CDH10: variants seen among roughly 807,000 people sequenced by gnomAD.
The protein encoded by CDH10 is cadherin 10.
Under a neutral mutation model 73.1 loss-of-function variants are expected in CDH10, and 30 were observed. The ratio of observed to expected loss-of-function variants is 0.41; its 90% confidence interval spans 0.31 to 0.56. The LOEUF is 0.56. Ranked by LOEUF, CDH10 falls within the 20% of genes least tolerant of loss-of-function variation. The pLI, the probability that CDH10 is intolerant of heterozygous loss-of-function variation, is 0.27. For missense variants in CDH10, 815 were observed against 973.7 expected (o/e 0.84, Z 2.17); for synonymous variants, 345 against 348.2 (o/e 0.99, Z 0.10).
At chr5:24,641,670 A>G (rs1748054772) in intron 1 of CDH10, among the ~76,000 whole-genome samples, 2 of 152,088 alleles carry the variant, frequency 1.3e-5, no homozygotes, top group African/African-American at 4.8e-5. Context: ...CATAATATGA[A>G]CCATATATTG....
At chr5:24,517,196 T>C (rs1052922276) in intron 5 of CDH10, among the ~76,000 whole-genome samples, 1 of 152,136 alleles carries the variant, frequency 6.6e-6, no homozygotes, top group Non-Finnish European at 1.5e-5. Context: ...TTTGAACTGA[T>C]TATGCATGCT....
chr5:24,507,691 C>A (rs921507571), intron 7 of CDH10, among the ~76,000 whole-genome samples: 1 of 151,480 alleles, frequency 6.6e-6, no homozygotes, highest in Non-Finnish European at 1.5e-5. Flanking sequence ...GAATCTCTAC[C>A]AAGAAAATGC....
intron 1 of CDH10, among the ~76,000 whole-genome samples, chr5:24,629,855 G>A (rs907147808): frequency 2.0e-5 from 3 of 152,102 alleles, no homozygotes; most frequent in Admixed American, 6.6e-5. Context: ...CCAGTCATGG[G>A]CAGTTCTTTA....
intron 7 of CDH10, 114 bp from the exon 8 acceptor site, chr5:24,505,362 G>T: frequency 2.5e-6 from 2 of 811,354 alleles, no homozygotes; most frequent in Non-Finnish European, 4.1e-6. Context: ...AGAACACAGT[G>T]CTGATCTGGA....
intron 1 of CDH10, among the ~76,000 whole-genome samples, chr5:24,632,616 C>T (rs1335706236): frequency 6.6e-6 from 1 of 151,934 alleles, no homozygotes; most frequent in Non-Finnish European, 1.5e-5. Context: ...TATTAAAGGG[C>T]AGTATGGCAG....
chr5:24,643,148 T>G (rs1215274400), intron 1 of CDH10, among the ~76,000 whole-genome samples: 2 of 152,158 alleles, frequency 1.3e-5, no homozygotes, highest in Non-Finnish European at 2.9e-5. Flanking sequence ...CATTGCACAT[T>G]GAATACATAT....
chr5:24,619,166 T>C (rs989608719), intron 1 of CDH10, among the ~76,000 whole-genome samples: 14 of 151,858 alleles, frequency 9.2e-5, no homozygotes, highest in African/African-American at 3.4e-4. Flanking sequence ...GAATGGTACC[T>C]CTAGTCTCAT....
At chr5:24,580,509 T>TG (rs1390525564) in intron 2 of CDH10, among the ~76,000 whole-genome samples, 1 of 152,180 alleles carries the variant, frequency 6.6e-6, no homozygotes, top group Non-Finnish European at 1.5e-5. Flanking sequence ...AATGAGTTAC[T>TG]GGTTTGTTAT....
intron 1 of CDH10, among the ~76,000 whole-genome samples, chr5:24,594,787 T>A (rs1746315636): frequency 6.6e-6 from 1 of 151,988 alleles, no homozygotes; most frequent in East Asian, 1.9e-4. Flanking sequence ...ACTCCATGTA[T>A]TTTATTTATT....
intron 1 of CDH10, chr5:24,612,185 T>C (rs1379950460): frequency 6.6e-6 from 1 of 152,322 alleles, no homozygotes; most frequent in Non-Finnish European, 1.5e-5. Flanking sequence ...ATCATAGATA[T>C]CTTTTTCTTT....
intron 1 of CDH10, among the ~76,000 whole-genome samples, chr5:24,594,528 G>A (rs1207964033): frequency 6.6e-6 from 1 of 151,694 alleles, no homozygotes; most frequent in African/African-American, 2.4e-5. Flanking sequence ...CATCACTGCT[G>A]TCCACCTCTC....
At chr5:24,547,532 T>C (rs1490115508) in intron 2 of CDH10, among the ~76,000 whole-genome samples, 2 of 152,062 alleles carry the variant, frequency 1.3e-5, no homozygotes, top group Non-Finnish European at 2.9e-5. Flanking sequence ...AGTAAAAATA[T>C]TGGTAAACTG....
intron 1 of CDH10, among the ~76,000 whole-genome samples, chr5:24,621,159 C>T (rs952836098): frequency 1.3e-5 from 2 of 151,998 alleles, no homozygotes; most frequent in African/African-American, 4.8e-5. Flanking sequence ...CCTCTAAGAG[C>T]GCTCACTCTG....
chr5:24,521,209 GC>G (rs1743318243), intron 5 of CDH10, among the ~76,000 whole-genome samples: 1 of 152,168 alleles, frequency 6.6e-6, no homozygotes, highest in Non-Finnish European at 1.5e-5. Context: ...GTCATCAGAT[GC>G]AGAACAATCC....
intron 7 of CDH10, among the ~76,000 whole-genome samples, chr5:24,507,596 T>A (rs1174941959): frequency 6.6e-6 from 1 of 152,038 alleles, no homozygotes; most frequent in African/African-American, 2.4e-5. Flanking sequence ...TGCCACTTGA[T>A]ATACATTTAG....
At chr5:24,499,002 C>A (rs945945184) in intron 8 of CDH10, among the ~76,000 whole-genome samples, 9 of 151,984 alleles carry the variant, frequency 5.9e-5, no homozygotes, top group Non-Finnish European at 1.2e-4. Flanking sequence ...TGGAAGGGGA[C>A]CTGAGCGGGT....
chr5:24,608,681 A>G (rs1746846606), intron 1 of CDH10, among the ~76,000 whole-genome samples: 1 of 152,234 alleles, frequency 6.6e-6, no homozygotes, highest in South Asian at 2.1e-4. Context: ...ACACATTTAA[A>G]AATTTTTAAT....
chr5:24,592,332 C>T (rs960765538), intron 2 of CDH10, among the ~76,000 whole-genome samples: 1 of 151,792 alleles, frequency 6.6e-6, no homozygotes, highest in Non-Finnish European at 1.5e-5. Context: ...GTGATGTATG[C>T]ATGATAATTG....
intron 1 of CDH10, among the ~76,000 whole-genome samples, chr5:24,594,941 T>C: frequency 6.6e-6 from 1 of 152,008 alleles, no homozygotes; most frequent in South Asian, 2.1e-4. Context: ...TTTGAATGTA[T>C]GAGTAAATGA....
Sources: allele counts gnomAD v4.1 joint callset (sites outside exome capture counted in the v4.1 genomes callset), GRCh38; gene constraint gnomAD v4.1.1; transcripts MANE v1.5; gene names NCBI Gene and HGNC (gene_info 2026-07-23, HGNC 2026-07-21).